The following FSD1L variants were observed in gnomAD, a reference collection of about 807,000 sequenced individuals.
FSD1L encodes fibronectin type III and SPRY domain containing 1 like.
FSD1L carries 45 observed loss-of-function variants against 71.6 expected under a neutral mutation model. That is an observed-to-expected ratio of 0.63 (90% CI 0.49 to 0.81). The LOEUF is 0.81. Among genes scored for constraint, FSD1L ranks in the 30% least tolerant of loss-of-function variants. The probability of loss-of-function intolerance (pLI) is 0.00; values close to 1 mark genes in which losing one functional copy is unlikely to be tolerated. For synonymous variants in FSD1L, 197 were observed against 207.2 expected (o/e 0.95, Z 0.42); for missense variants, 561 against 618.1 (o/e 0.91, Z 0.98).
At chr9:105,530,535 G>A in intron 10 of FSD1L, 1 of 677,912 alleles carries the variant, frequency 1.5e-6, no homozygotes. Context: ...TTGTTTTTCT[G>A]TTATCAAAAG....
At chr9:105,542,433 CTTAA>C (rs944246462) in intron 13 of FSD1L, among the ~76,000 whole-genome samples, 4 of 151,956 alleles carry the variant, frequency 2.6e-5, no homozygotes, top group Non-Finnish European at 4.4e-5. Flanking sequence ...CTTTTTAGGA[CTTAA>C]TTGTTTTCTT....
At chr9:105,484,648 G>GTT in intron 7 of FSD1L, 146 bp downstream of exon 7, 2 of 482,336 alleles carry the variant, frequency 4.1e-6, no homozygotes, top group Non-Finnish European at 6.6e-6. Flanking sequence ...AAATTTGCTA[G>GTT]TTTTTTTTTA....
intron 5 of FSD1L, among the ~76,000 whole-genome samples, chr9:105,478,163 T>C (rs1453629517): frequency 1.3e-5 from 2 of 152,172 alleles, no homozygotes; most frequent in African/African-American, 2.4e-5. Flanking sequence ...GAGAATGGCA[T>C]GAACCCGGGA....
intron 10 of FSD1L, chr9:105,530,599 A>G (rs751492458): frequency 7.2e-6 from 5 of 692,554 alleles, no homozygotes; most frequent in East Asian, 2.7e-5. Flanking sequence ...CTTTATTTGT[A>G]TGACGTTCAC....
chr9:105,533,115 T>C (rs955849176), intron 10 of FSD1L, among the ~76,000 whole-genome samples: 4 of 152,204 alleles, frequency 2.6e-5, no homozygotes, highest in African/African-American at 9.6e-5. Flanking sequence ...TATTTCTAAC[T>C]AGTGGTGAGA....
rs114020068 is a variant in FSD1L, at chr9:105,482,073, C to A, written c.465-2308C>A. The stretch of plus-strand genomic sequence containing the variant: ...TACAGATATGAGCCACCATGTCCGC[C>A]CTAGGATTATCTTTTTATAAGGGCA... On this transcript the variant is annotated intron_variant, in intron 6 of 13. Coordinates refer to ENST00000481272, the MANE Select transcript of FSD1L (RefSeq NM_001145313.3). 6.1e-3 allele frequency among the ~76,000 whole-genome samples: 925 copies of A among 152,164 alleles called. 13 individuals are homozygous for A. The highest frequency in any genetic ancestry group is 0.021 in the African/African-American group (874 of 41,512).
At chr9:105,461,043 A>C (rs1830660398) in intron 1 of FSD1L, among the ~76,000 whole-genome samples, 2 of 152,264 alleles carry the variant, frequency 1.3e-5, no homozygotes, top group African/African-American at 4.8e-5. Context: ...ATATCCACAT[A>C]TAGCTATTAT....
chr9:105,527,295 T>C (rs1835572870), intron 10 of FSD1L, among the ~76,000 whole-genome samples: 1 of 150,732 alleles, frequency 6.6e-6, no homozygotes, highest in South Asian at 2.1e-4. Flanking sequence ...CTGGTGTTTC[T>C]ATGTTCTTTT....
intron 3 of FSD1L, among the ~76,000 whole-genome samples, chr9:105,467,843 C>T (rs1001320372): frequency 1.3e-5 from 2 of 152,124 alleles, no homozygotes; most frequent in African/African-American, 4.8e-5. Flanking sequence ...AGGTTAAGAA[C>T]CACTGGCTTA....
At chr9:105,501,488 A>T (rs867070990) in intron 7 of FSD1L, among the ~76,000 whole-genome samples, 1 of 152,098 alleles carries the variant, frequency 6.6e-6, no homozygotes, top group South Asian at 2.1e-4. Context: ...CAGTGGCATC[A>T]TCATAGTTCA....
intron 4 of FSD1L, 73 bp from the exon 5 acceptor site, chr9:105,471,831 A>G: frequency 1.3e-5 from 7 of 545,606 alleles, no homozygotes; most frequent in Non-Finnish European, 1.9e-5. Context: ...CATTATAACA[A>G]TATATATTTA....
intron 7 of FSD1L, among the ~76,000 whole-genome samples, chr9:105,497,998 C>G (rs1273448363): frequency 6.6e-6 from 1 of 151,916 alleles, no homozygotes; most frequent in East Asian, 1.9e-4. Context: ...CATGTGCTAC[C>G]ATGCCCAGCT....
chr9:105,468,084 G>T, intron 3 of FSD1L, 109 bp from the exon 4 acceptor site: 1 of 732,960 alleles, frequency 1.4e-6, no homozygotes, highest in Non-Finnish European at 2.0e-6. Flanking sequence ...TTTATATTAG[G>T]CCAACATAGT....
chr9:105,544,493 T>C (rs1194051534), intron 13 of FSD1L, among the ~76,000 whole-genome samples: 1 of 152,346 alleles, frequency 6.6e-6, no homozygotes, highest in African/African-American at 2.4e-5. Context: ...AGACATGAAG[T>C]CCTTGCCCAT....
At chr9:105,471,851 T>G (rs1831494241) in intron 4 of FSD1L, 53 bp from the exon 5 acceptor site, 1 of 654,792 alleles carries the variant, frequency 1.5e-6, no homozygotes, top group Non-Finnish European at 2.4e-6. Context: ...AAGATTCTAA[T>G]GGCAATAGGA....
chr9:105,510,621 A>G (rs1017946380), intron 9 of FSD1L, among the ~76,000 whole-genome samples: 3 of 152,280 alleles, frequency 2.0e-5, no homozygotes, highest in Admixed American at 6.5e-5. Context: ...AATAGTGAAC[A>G]TTGTTTACTT....
chr9:105,525,349 A>G, intron 10 of FSD1L: 1 of 1,591,790 alleles, frequency 6.3e-7, no homozygotes, highest in Non-Finnish European at 8.5e-7. Context: ...GAGAACTGGA[A>G]TCTCACTTAA....
intron 13 of FSD1L, among the ~76,000 whole-genome samples, chr9:105,544,780 G>T (rs935541455): frequency 5.9e-5 from 9 of 152,060 alleles, no homozygotes; most frequent in African/African-American, 1.4e-4. Context: ...TGTTCCATTG[G>T]TCTATATCTC....
chr9:105,505,346 T>C (rs765603380), intron 7 of FSD1L, among the ~76,000 whole-genome samples: 23 of 152,200 alleles, frequency 1.5e-4, no homozygotes, highest in Non-Finnish European at 3.4e-4. Flanking sequence ...CTGCAATCTC[T>C]GCCTCCTGGG....
Sources: gnomAD v4.1 joint callset for allele counts (sites outside exome capture counted in the v4.1 genomes callset) on GRCh38, gnomAD v4.1.1 for gene constraint, MANE v1.5 for transcripts, NCBI Gene and HGNC (gene_info 2026-07-23, HGNC 2026-07-21) for gene names.